Variants in CNTLN observed in about 807,000 individuals in gnomAD.
The protein encoded by CNTLN is centlein.
In CNTLN, 212 loss-of-function variants were observed where a neutral mutation model predicts 180.0. That is an observed-to-expected ratio of 1.18 (90% CI 1.05 to 1.32). The LOEUF is 1.32. CNTLN is among the 40% of genes most tolerant of loss of function. The pLI, the probability that CNTLN is intolerant of heterozygous loss-of-function variation, is 0.00. For synonymous variants in CNTLN, 722 were observed against 563.1 expected, an observed-to-expected ratio of 1.28 and a Z score of -3.99; for missense variants, 2,095 against 1,610.9, an observed-to-expected ratio of 1.30 and a Z score of -5.14.
intron 13 of CNTLN, among the ~76,000 whole-genome samples, chr9:17,385,457 T>C (rs1419373494): frequency 1.2e-4 from 18 of 152,168 alleles, no homozygotes; most frequent in Non-Finnish European, 2.5e-4. Context: ...CCAGGAATCA[T>C]CTTATTAAGC....
At chr9:17,446,149 G>C (rs968778349) in intron 18 of CNTLN, among the ~76,000 whole-genome samples, 1 of 152,164 alleles carries the variant, frequency 6.6e-6, no homozygotes, top group Non-Finnish European at 1.5e-5. Flanking sequence ...ACCCACGAAT[G>C]ATGAATAAAT....
At chr9:17,398,170 A>G (rs1445893853) in intron 15 of CNTLN, among the ~76,000 whole-genome samples, 1 of 152,224 alleles carries the variant, frequency 6.6e-6, no homozygotes, top group African/African-American at 2.4e-5. Flanking sequence ...TATATCTTCA[A>G]GAAGAAAAAT....
rs554475917 is a variant in CNTLN at position 17,266,237 on chromosome 9, G to T, written c.850-7496G>T. ...TGTTCCAGAGATTCTGGTATGCTGT[G>T]TCTTTGTTATCATTGGTTTCAAATA... On this transcript the variant is annotated intron_variant, in intron 5 of 25. Coordinates refer to ENST00000380647, the MANE Select transcript of CNTLN (RefSeq NM_017738.4). Among the ~76,000 whole-genome samples, 4 of 152,242 alleles carry T rather than the reference G, an allele frequency of 2.6e-5. No individual in the cohort carries two copies. In the South Asian group the frequency reaches 8.3e-4, roughly 32 times the overall value.
intron 15 of CNTLN, among the ~76,000 whole-genome samples, chr9:17,405,008 GA>G (rs1340233632): frequency 6.6e-6 from 1 of 151,660 alleles, no homozygotes; most frequent in African/African-American, 2.4e-5. Context: ...AAAGTGCTGG[GA>G]TTACAGATGT....
At chr9:17,513,571 C>G in the CNTLN span, among the ~76,000 whole-genome samples, 1 of 152,096 alleles carries the variant, frequency 6.6e-6, no homozygotes, top group Non-Finnish European at 1.5e-5. Flanking sequence ...GTGGCATGCA[C>G]CTGTAGTCCC....
At chr9:17,141,940 G>C (rs1326203665) in intron 1 of CNTLN, among the ~76,000 whole-genome samples, 1 of 151,940 alleles carries the variant, frequency 6.6e-6, no homozygotes, top group African/African-American at 2.4e-5. Flanking sequence ...AAATTAGCTG[G>C]GTGTGGTGGT....
At chr9:17,383,908 G>C (rs1313050736) in intron 13 of CNTLN, among the ~76,000 whole-genome samples, 1 of 152,128 alleles carries the variant, frequency 6.6e-6, no homozygotes, top group Non-Finnish European at 1.5e-5. Flanking sequence ...AAAGTACTGA[G>C]ATTACAGGCG....
chr9:17,282,188 G>C (rs10963001), intron 6 of CNTLN, among the ~76,000 whole-genome samples: 43,546 of 151,850 alleles, frequency 0.29, 6,307 homozygotes, highest in South Asian at 0.41. Context: ...GTCTCGATCT[G>C]TTGACCTTGT....
rs190514814 is a variant in CNTLN, at chr9:17,388,914, A to G, written c.2079+661A>G. On this transcript the variant is annotated intron_variant, in intron 14 of 25. Coordinates refer to ENST00000380647, the MANE Select transcript of CNTLN (RefSeq NM_017738.4). ...AATAAATACATTGTTATCAAGTTCA[A>G]TTAAGTGGATCTAATTATTAACACT... 1.1e-3 allele frequency among the ~76,000 whole-genome samples: 173 copies of G among 152,092 alleles called. 1 individual carries two copies. Among genetic ancestry groups the G allele is most frequent in the Admixed American group, 2.0e-3 (30 of 15,276 alleles).
intron 8 of CNTLN, among the ~76,000 whole-genome samples, chr9:17,310,781 A>G (rs186056807): frequency 1.3e-5 from 2 of 152,172 alleles, no homozygotes; most frequent in Admixed American, 6.5e-5. Context: ...GTATAAAATA[A>G]TATTTTATTT....
chr9:17,370,424 AAAC>A (rs377046507), intron 13 of CNTLN, among the ~76,000 whole-genome samples: 1,774 of 152,328 alleles, frequency 0.012, 39 homozygotes, highest in African/African-American at 0.04. Flanking sequence ...CTGAAGGAAA[AAAC>A]AACAACAGAC....
At chr9:17,368,766 C>T (rs1173713419) in intron 13 of CNTLN, among the ~76,000 whole-genome samples, 4 of 152,168 alleles carry the variant, frequency 2.6e-5, no homozygotes, top group Non-Finnish European at 4.4e-5. Context: ...TTCTAGAAGT[C>T]GGCAAGAACC....
intron 13 of CNTLN, among the ~76,000 whole-genome samples, chr9:17,382,631 A>G (rs1202606910): frequency 6.6e-6 from 1 of 152,204 alleles, no homozygotes; most frequent in Non-Finnish European, 1.5e-5. Context: ...AAGGAGAATA[A>G]CAAAAATTGT....
chr9:17,148,242 C>T (rs1259139796), intron 2 of CNTLN, among the ~76,000 whole-genome samples: 1 of 152,196 alleles, frequency 6.6e-6, no homozygotes, highest in Non-Finnish European at 1.5e-5. Flanking sequence ...ATTTTACCTA[C>T]AGTTACTTTA....
intron 7 of CNTLN, among the ~76,000 whole-genome samples, chr9:17,304,498 T>C (rs1297096163): frequency 1.3e-5 from 2 of 152,160 alleles, no homozygotes; most frequent in Non-Finnish European, 2.9e-5. Context: ...ACAATATTAC[T>C]CAAACTATTA....
At chr9:17,521,681 T>C in the CNTLN span, among the ~76,000 whole-genome samples, 1 of 152,154 alleles carries the variant, frequency 6.6e-6, no homozygotes, top group Non-Finnish European at 1.5e-5. Flanking sequence ...TTCACAACTT[T>C]GCAGGTGAGA....
chr9:17,162,361 G>T (rs527817468), intron 2 of CNTLN, among the ~76,000 whole-genome samples: 7 of 152,058 alleles, frequency 4.6e-5, no homozygotes, highest in Non-Finnish European at 1.0e-4. Context: ...TGATCTGCCC[G>T]CCTCGGCCTC....
intron 3 of CNTLN, among the ~76,000 whole-genome samples, chr9:17,226,623 G>C (rs1824482929): frequency 6.6e-6 from 1 of 151,868 alleles, no homozygotes; most frequent in Admixed American, 6.6e-5. Flanking sequence ...GGTTTTATTT[G>C]TAGAAAAGAT....
At chr9:17,172,817 T>C (rs1820498548) in intron 2 of CNTLN, among the ~76,000 whole-genome samples, 1 of 152,228 alleles carries the variant, frequency 6.6e-6, no homozygotes, top group African/African-American at 2.4e-5. Flanking sequence ...TACACATTCC[T>C]TCATAAACTA....
Sources: allele counts gnomAD v4.1 joint callset (sites outside exome capture counted in the v4.1 genomes callset), GRCh38; gene constraint gnomAD v4.1.1; transcripts MANE v1.5; gene names NCBI Gene and HGNC (gene_info 2026-07-23, HGNC 2026-07-21).